The following LTBP1 variants were observed in gnomAD, a reference collection of about 807,000 sequenced individuals.
LTBP1 encodes latent transforming growth factor beta binding protein 1, also known as latent-transforming growth factor beta-binding protein 1.
A neutral mutation model predicts 207.6 loss-of-function variants in LTBP1; 129 were observed. That is an observed-to-expected ratio of 0.62 (90% confidence interval 0.54 to 0.72). LTBP1 has a LOEUF of 0.72. Ranked by LOEUF, LTBP1 falls within the 30% of genes least tolerant of loss-of-function variation. The pLI, the probability that LTBP1 is intolerant of heterozygous loss-of-function variation, is 0.00. For synonymous variants in LTBP1, 963 were observed against 833.7 expected, an observed-to-expected ratio of 1.16 and a Z score of -2.67; for missense variants, 2,281 against 2,217.2, an observed-to-expected ratio of 1.03 and a Z score of -0.58.
At chr2:32,953,511 A>G (rs1356988325) in intron 2 of LTBP1, among the ~76,000 whole-genome samples, 1 of 152,228 alleles carries the variant, frequency 6.6e-6, no homozygotes, top group Non-Finnish European at 1.5e-5. Flanking sequence ...CTCGGTGAAG[A>G]GAGAGGAACC....
At chr2:33,148,461 A>C (rs2083236672) in intron 5 of LTBP1, among the ~76,000 whole-genome samples, 1 of 152,214 alleles carries the variant, frequency 6.6e-6, no homozygotes, top group Non-Finnish European at 1.5e-5. Context: ...CACAGAGTTG[A>C]ATTAATAGAA....
chr2:33,182,709 C>T (rs1217873495), intron 5 of LTBP1, among the ~76,000 whole-genome samples: 4,738 of 64,640 alleles, frequency 0.073, 684 homozygotes, highest in African/African-American at 0.13. Context: ...TACACACACA[C>T]ACACACACAC....
chr2:33,100,257 G>T (rs1284363019), intron 3 of LTBP1, among the ~76,000 whole-genome samples: 4 of 152,148 alleles, frequency 2.6e-5, no homozygotes, highest in Non-Finnish European at 5.9e-5. Context: ...AGTGCAGGAG[G>T]AGTAAAAATG....
chr2:33,371,596 TG>T (rs2095068079), intron 31 of LTBP1, among the ~76,000 whole-genome samples: 1 of 152,242 alleles, frequency 6.6e-6, no homozygotes, highest in Non-Finnish European at 1.5e-5. Flanking sequence ...TTGAGGCCTT[TG>T]GTTGCATATG....
intron 22 of LTBP1, among the ~76,000 whole-genome samples, chr2:33,305,143 T>C (rs192260930): frequency 6.6e-6 from 1 of 151,854 alleles, no homozygotes; most frequent in Non-Finnish European, 1.5e-5. Context: ...TGAAACCTCA[T>C]CTCTACTAAA....
intron 9 of LTBP1, among the ~76,000 whole-genome samples, chr2:33,240,139 C>G (rs532471568): frequency 2.0e-5 from 3 of 151,116 alleles, no homozygotes; most frequent in African/African-American, 4.9e-5. Context: ...AATAGAATTA[C>G]GGTTTACCAT....
intron 23 of LTBP1, among the ~76,000 whole-genome samples, chr2:33,313,267 G>A (rs1404325885): frequency 6.6e-6 from 1 of 152,144 alleles, no homozygotes; most frequent in African/African-American, 2.4e-5. Context: ...TTTATTCAGC[G>A]ATGGACAGGC....
At chr2:33,154,144 G>A (rs975094448) in intron 5 of LTBP1, among the ~76,000 whole-genome samples, 1 of 152,122 alleles carries the variant, frequency 6.6e-6, no homozygotes, top group Non-Finnish European at 1.5e-5. Context: ...ACTTGAATGT[G>A]CCTTTCTTTC....
intron 19 of LTBP1, among the ~76,000 whole-genome samples, chr2:33,286,848 G>A (rs938105614): frequency 8.5e-5 from 13 of 152,204 alleles, no homozygotes; most frequent in South Asian, 4.1e-4. Context: ...ACCAAACACC[G>A]CATGTTCTCA....
chr2:33,304,153 G>T (rs569710236), intron 22 of LTBP1, among the ~76,000 whole-genome samples: 1 of 152,282 alleles, frequency 6.6e-6, no homozygotes, highest in African/African-American at 2.4e-5. Context: ...TGTTCCGTAA[G>T]AAAGCTTCTT....
At chr2:33,194,280 C>G (rs577795906) in intron 7 of LTBP1, among the ~76,000 whole-genome samples, 142 of 152,000 alleles carry the variant, frequency 9.3e-4, no homozygotes, top group African/African-American at 3.3e-3. Flanking sequence ...CCACCGAGCC[C>G]GGCCACATCT....
intron 7 of LTBP1, among the ~76,000 whole-genome samples, chr2:33,208,736 A>C (rs1250665740): frequency 6.6e-6 from 1 of 152,156 alleles, no homozygotes; most frequent in Non-Finnish European, 1.5e-5. Flanking sequence ...ATTAGCAAGT[A>C]GTCTGTCCTT....
intron 7 of LTBP1, among the ~76,000 whole-genome samples, chr2:33,205,990 G>A (rs986106298): frequency 2.6e-5 from 4 of 151,986 alleles, no homozygotes; most frequent in Admixed American, 6.6e-5. Flanking sequence ...TGGGTTTCCA[G>A]CCTCCAGAAC....
At chr2:33,310,854 A>G (rs994635064) in intron 23 of LTBP1, among the ~76,000 whole-genome samples, 1 of 152,168 alleles carries the variant, frequency 6.6e-6, no homozygotes, top group African/African-American at 2.4e-5. Flanking sequence ...TATATTTTCC[A>G]TGGAAAATTC....
At chr2:33,220,490 A>C (rs10192944) in intron 8 of LTBP1, among the ~76,000 whole-genome samples, 2,464 of 152,266 alleles carry the variant, frequency 0.016, 73 homozygotes, top group African/African-American at 0.056. Context: ...ATGATTTCTT[A>C]AATAGTTTGT....
chr2:33,200,907 C>G (rs1022836512), intron 7 of LTBP1, among the ~76,000 whole-genome samples: 3 of 152,176 alleles, frequency 2.0e-5, no homozygotes, highest in Admixed American at 2.0e-4. Flanking sequence ...CAGAGAAATA[C>G]AAATCAAAAC....
intron 5 of LTBP1, among the ~76,000 whole-genome samples, chr2:33,168,312 G>A (rs1558741446): frequency 6.7e-6 from 1 of 150,086 alleles, no homozygotes; most frequent in Non-Finnish European, 1.5e-5. Context: ...GAACCCAGGA[G>A]TTTGAGGCTG....
chr2:33,359,759 C>G (rs910368885), intron 26 of LTBP1, among the ~76,000 whole-genome samples: 1 of 152,192 alleles, frequency 6.6e-6, no homozygotes, highest in African/African-American at 2.4e-5. Context: ...CTTTCCAAGT[C>G]TAGTCACAAA....
chr2:33,255,584 A>T (rs2147796612), intron 11 of LTBP1, among the ~76,000 whole-genome samples: 1 of 152,306 alleles, frequency 6.6e-6, no homozygotes, highest in Non-Finnish European at 1.5e-5. Flanking sequence ...AACCAACCCA[A>T]ATGTCCAACA....
Sources: gnomAD v4.1 joint callset for allele counts (sites outside exome capture counted in the v4.1 genomes callset) on GRCh38, gnomAD v4.1.1 for gene constraint, MANE v1.5 for transcripts, NCBI Gene and HGNC (gene_info 2026-07-23, HGNC 2026-07-21) for gene names.